SUPT20H: variants seen among roughly 807,000 people sequenced by gnomAD.
The protein encoded by SUPT20H is SPT20 homolog, SAGA complex component.
Under a neutral mutation model 122.8 loss-of-function variants are expected in SUPT20H, and 82 were observed. The ratio of observed to expected loss-of-function variants is 0.67; its 90% CI spans 0.56 to 0.80. The LOEUF (loss-of-function observed/expected upper bound fraction) is 0.80. Ranked by LOEUF, SUPT20H falls within the 30% of genes least tolerant of loss-of-function variation. The pLI is 0.00. For missense variants in SUPT20H, 831 were observed against 921.6 expected, an observed-to-expected ratio of 0.90 and a Z score of 1.27; for synonymous variants, 291 against 313.0, an observed-to-expected ratio of 0.93 and a Z score of 0.74.
intron 5 of SUPT20H, chr13:37,047,323 TA>T: frequency 2.6e-6 from 1 of 391,926 alleles, no homozygotes; most frequent in Non-Finnish European, 4.4e-6. Flanking sequence ...TGATACTCAA[TA>T]TAACTGTTCC....
intron 13 of SUPT20H, among the ~76,000 whole-genome samples, chr13:37,028,644 C>T (rs575273749): frequency 6.6e-6 from 1 of 152,068 alleles, no homozygotes; most frequent in East Asian, 1.9e-4. Flanking sequence ...ACACTGTTCT[C>T]AGCACTCTAC....
intron 23 of SUPT20H, among the ~76,000 whole-genome samples, chr13:37,014,846 G>A (rs901427618): frequency 3.9e-5 from 6 of 152,058 alleles, no homozygotes; most frequent in African/African-American, 1.4e-4. Flanking sequence ...ACATTAAAAG[G>A]ATCCACAGGA....
intron 9 of SUPT20H, among the ~76,000 whole-genome samples, chr13:37,034,245 A>G (rs913963763): frequency 1.3e-5 from 2 of 152,390 alleles, no homozygotes; most frequent in Non-Finnish European, 1.5e-5. Flanking sequence ...ATAAACAGCT[A>G]CAACAGGCCA....
chr13:37,041,344 C>T (rs1298351979), intron 7 of SUPT20H, among the ~76,000 whole-genome samples: 3 of 151,858 alleles, frequency 2.0e-5, no homozygotes, highest in Admixed American at 2.0e-4. Context: ...GGTGAAACTG[C>T]GTCTCTACTA....
At chr13:37,037,767 C>T (rs1469766656) in intron 9 of SUPT20H, among the ~76,000 whole-genome samples, 1 of 152,186 alleles carries the variant, frequency 6.6e-6, no homozygotes, top group Non-Finnish European at 1.5e-5. Flanking sequence ...AGGCTCTTTA[C>T]TATTATCACA....
rs79277099 is a variant in SUPT20H, at chr13:37,024,088, T to C, written c.1538A>G (p.Asn513Ser). The C allele has an allele frequency of 5.9e-4, 949 of 1,613,504 alleles. 5 individuals are homozygous for C. The East Asian group carries it at 0.017, about 30-fold the overall frequency. ...SIPRKSSVDL[N>S]QVSMLSPAAL... Reference sequence around the variant, plus strand: ...AGCTGGAGAAAGCATGCTAACTTGATTGAGATCCACAGATGATTTCCGAGG... The same window carrying C: ...AGCTGGAGAAAGCATGCTAACTTGACTGAGATCCACAGATGATTTCCGAGG... Residue 513 changes from asparagine to serine, a missense_variant, in exon 19 of 26, where the codon AAT becomes AGT. Asn to Ser is a conservative substitution (Grantham distance 46, BLOSUM62 1). Coordinates refer to ENST00000350612, the MANE Select transcript of SUPT20H (RefSeq NM_001014286.3).
At chr13:37,027,681 T>A (rs1028093854) in intron 14 of SUPT20H, among the ~76,000 whole-genome samples, 7 of 152,144 alleles carry the variant, frequency 4.6e-5, no homozygotes, top group African/African-American at 1.7e-4. Context: ...AGTTCATACA[T>A]TTTGGAAGAT....
chr13:37,033,640 G>A, intron 9 of SUPT20H, 52 bp from the exon 10 acceptor site: 5 of 1,572,966 alleles, frequency 3.2e-6, no homozygotes, highest in Non-Finnish European at 4.3e-6. Context: ...TTTCAAATAT[G>A]TAATCATATA....
intron 22 of SUPT20H, among the ~76,000 whole-genome samples, chr13:37,018,144 C>T (rs1278177880): frequency 6.6e-6 from 1 of 151,964 alleles, no homozygotes; most frequent in Non-Finnish European, 1.5e-5. Flanking sequence ...ATAAAAAATC[C>T]TTGGGTCAAA....
chr13:37,040,531 C>T (rs1427309756), intron 8 of SUPT20H, 45 bp downstream of exon 8: 1 of 1,594,834 alleles, frequency 6.3e-7, no homozygotes, highest in Non-Finnish European at 8.6e-7. Flanking sequence ...AAATAAAACT[C>T]CCAACTAAAA....
intron 9 of SUPT20H, among the ~76,000 whole-genome samples, chr13:37,034,965 T>C (rs567422067): frequency 3.8e-4 from 58 of 152,342 alleles, no homozygotes; most frequent in African/African-American, 1.4e-3. Context: ...CTGAATATTT[T>C]AAGGCCACTG....
At chr13:37,032,098 G>A (rs2063449192) in intron 10 of SUPT20H, among the ~76,000 whole-genome samples, 1 of 152,098 alleles carries the variant, frequency 6.6e-6, no homozygotes, top group Admixed American at 6.5e-5. Context: ...GAGCTATCAA[G>A]TCCAGAGGGG....
chr13:37,034,477 C>G (rs1428090000), intron 9 of SUPT20H, among the ~76,000 whole-genome samples: 2 of 152,194 alleles, frequency 1.3e-5, no homozygotes, highest in Non-Finnish European at 2.9e-5. Flanking sequence ...AATTCCAACT[C>G]TTTTCAATTC....
In SUPT20H at chr13:37,036,510, C is replaced by T. The variant is rs561227414; in HGVS notation, c.568-2922G>A. ...CAGCTAATTTCTGTATTTTTAGAGA[C>T]GGGGTTTCACCATGTTGGCCGGGAT... On this transcript the variant is annotated intron_variant, in intron 9 of 25. Transcript: ENST00000350612. 5.1e-3 allele frequency among the ~76,000 whole-genome samples: 783 copies of T among 152,054 alleles called. 6 individuals are homozygous for T. The highest frequency in any genetic ancestry group is 0.018 in the African/African-American group (735 of 41,470).
At chr13:37,012,111 G>A in intron 24 of SUPT20H, 81 bp downstream of exon 24, 1 of 1,132,882 alleles carries the variant, frequency 8.8e-7, no homozygotes, top group Non-Finnish European at 1.3e-6. Context: ...GGAAGGAAAA[G>A]AAAATAATTT....
chr13:37,037,342 A>ATAGT (rs560856033), intron 9 of SUPT20H, among the ~76,000 whole-genome samples: 95 of 152,318 alleles, frequency 6.2e-4, no homozygotes, highest in African/African-American at 2.2e-3. Context: ...GGTCAACTAT[A>ATAGT]TAGTGTAAAT....
In SUPT20H at chr13:37,022,476, T is replaced by G; in HGVS notation, c.1592-396A>C. 1 of 1,276,398 alleles carries G rather than the reference T, an allele frequency of 7.8e-7. No homozygotes were observed. The highest frequency in any genetic ancestry group is 9.9e-7 in the Non-Finnish European group (1 of 1,013,658). 79.1% of individuals were successfully genotyped at this position (1,276,398 alleles called of 1,614,324 possible). On this transcript the variant is annotated intron_variant, in intron 19 of 25. Coordinates refer to ENST00000350612, the MANE Select transcript of SUPT20H (RefSeq NM_001014286.3). This position sits in a 1 kb window ranked among gnomAD's most constrained non-coding sequence, Gnocchi z 4.5. ...TTAATTTCTACACATGATACATGAGTGTTGCTACACTCAATTACAATTAAG... is the reference window on the plus strand; with the variant it reads ...TTAATTTCTACACATGATACATGAGGGTTGCTACACTCAATTACAATTAAG...
intron 24 of SUPT20H, among the ~76,000 whole-genome samples, chr13:37,011,543 T>A (rs2059627580): frequency 6.6e-6 from 1 of 152,184 alleles, no homozygotes; most frequent in African/African-American, 2.4e-5. Flanking sequence ...ATAGTTTTCT[T>A]ATACATATGG....
At position 37,028,324 on chromosome 13, in the gene SUPT20H, C is replaced by T. The variant is rs1277780491; in HGVS notation, c.994-19G>A. ...TTACATCCTGAAAAATGCATAGCAC[C>T]TCAAATAAATACCTTCACAAGTAGG... On this transcript the variant is annotated intron_variant, in intron 13 of 25. Transcript: ENST00000350612. The T allele has an allele frequency of 6.3e-7, 1 of 1,595,296 alleles. No homozygotes were observed. The highest frequency in any genetic ancestry group is 8.5e-7 in the Non-Finnish European group (1 of 1,172,462).
Sources: allele counts gnomAD v4.1 joint callset (sites outside exome capture counted in the v4.1 genomes callset), GRCh38; gene constraint gnomAD v4.1.1; non-coding constraint Gnocchi (gnomAD v3.1); transcripts MANE v1.5; gene names NCBI Gene and HGNC (gene_info 2026-07-23, HGNC 2026-07-21).